BNC2: variants seen among roughly 807,000 people sequenced by gnomAD.
BNC2 encodes zinc finger protein basonuclin-2.
A neutral mutation model predicts 76.3 loss-of-function variants in BNC2; 20 were observed. The observed-to-expected ratio is 0.26, with a 90% CI of 0.18 to 0.38. BNC2 has a LOEUF of 0.38. Among genes scored for constraint, BNC2 ranks in the 10% least tolerant of loss-of-function variants. The probability of loss-of-function intolerance (pLI) is 1.00; values close to 1 mark genes in which losing one functional copy is unlikely to be tolerated. For missense variants in BNC2, 1,382 were observed against 1,399.8 expected (o/e 0.99, Z 0.20); for synonymous variants, 582 against 514.8 (o/e 1.13, Z -1.77).
At chr9:16,726,374 G>C (rs1187127562) in intron 3 of BNC2, among the ~76,000 whole-genome samples, 2 of 151,990 alleles carry the variant, frequency 1.3e-5, no homozygotes, top group Non-Finnish European at 1.5e-5. Flanking sequence ...TTAGAATTGT[G>C]TGCTAAAACT....
chr9:16,856,339 CA>C (rs1226654888), intron 1 of BNC2, among the ~76,000 whole-genome samples: 1 of 151,960 alleles, frequency 6.6e-6, no homozygotes, highest in Non-Finnish European at 1.5e-5. Context: ...GTCCTTTGTA[CA>C]CAAATATGTC....
chr9:16,534,523 G>C (rs1818072687), intron 5 of BNC2, among the ~76,000 whole-genome samples: 2 of 152,014 alleles, frequency 1.3e-5, no homozygotes, highest in Admixed American at 1.3e-4. Context: ...TATGTACCCT[G>C]ATCTTAATTT....
chr9:16,523,493 C>T (rs58036456), intron 5 of BNC2, among the ~76,000 whole-genome samples: 1 of 120,168 alleles, frequency 8.3e-6, no homozygotes, highest in East Asian at 2.1e-4. Context: ...AAAAACAAAA[C>T]AAAAAAAAAC....
chr9:16,671,884 A>G (rs904341641), intron 3 of BNC2, among the ~76,000 whole-genome samples: 1 of 152,220 alleles, frequency 6.6e-6, no homozygotes, highest in African/African-American at 2.4e-5. Flanking sequence ...CTGAAAATGC[A>G]AGTTGCATAA....
chr9:16,604,836 TG>T (rs35682053), intron 3 of BNC2, among the ~76,000 whole-genome samples: 121,785 of 151,990 alleles, frequency 0.8, 51,322 homozygotes, highest in East Asian at 0.96. Flanking sequence ...AGGTTAAAAA[TG>T]ATTAATTTTT....
intron 3 of BNC2, among the ~76,000 whole-genome samples, chr9:16,653,863 C>T (rs1231159820): frequency 6.6e-6 from 1 of 152,238 alleles, no homozygotes; most frequent in Middle Eastern, 3.4e-3. Flanking sequence ...GTGGCAGAAC[C>T]TCTTGTCTGA....
chr9:16,803,311 C>T (rs1035057658), intron 1 of BNC2, among the ~76,000 whole-genome samples: 1 of 152,130 alleles, frequency 6.6e-6, no homozygotes, highest in Non-Finnish European at 1.5e-5. Flanking sequence ...ATGTTTTAGC[C>T]CTCAACTTTA....
rs1820481432 is a variant in BNC2, at chr9:16,412,419, T to C, written c.*6570A>G. 6.6e-6 allele frequency: 1 copy of C among 152,460 alleles called. No homozygotes were observed. The highest frequency in any genetic ancestry group is 1.5e-5 in the Non-Finnish European group (1 of 68,022). 9.4% of individuals were successfully genotyped at this position (152,460 alleles called of 1,614,324 possible). A position where few individuals can be genotyped will look rare whatever the true frequency, so the allele number is the denominator to read the frequency against. Reference sequence around the variant, plus strand: ...ATATTTTAATCTTTTCCCTACAGATTAGGGGGCAATATAATCTTACTTATG... The same window carrying C: ...ATATTTTAATCTTTTCCCTACAGATCAGGGGGCAATATAATCTTACTTATG... On this transcript the variant is annotated 3_prime_UTR_variant, in exon 7 of 7. Transcript: ENST00000380672.
chr9:16,655,207 T>A (rs1821896205), intron 3 of BNC2, among the ~76,000 whole-genome samples: 1 of 151,822 alleles, frequency 6.6e-6, no homozygotes, highest in African/African-American at 2.4e-5. Context: ...CGATACAGCA[T>A]AAAGGAAATA....
At chr9:16,691,489 G>A (rs1049070879) in intron 3 of BNC2, among the ~76,000 whole-genome samples, 9 of 146,168 alleles carry the variant, frequency 6.2e-5, no homozygotes, top group Middle Eastern at 3.6e-3. Context: ...CCAGATCCAC[G>A]GATGGGTATG....
At chr9:16,863,710 A>G (rs1367820981) in intron 1 of BNC2, among the ~76,000 whole-genome samples, 1 of 152,180 alleles carries the variant, frequency 6.6e-6, no homozygotes, top group Admixed American at 6.5e-5. Flanking sequence ...AAACCTTAAC[A>G]GAGAAAGTAC....
intron 1 of BNC2, among the ~76,000 whole-genome samples, chr9:16,834,259 C>G (rs1448351742): frequency 6.6e-6 from 1 of 152,056 alleles, no homozygotes; most frequent in Non-Finnish European, 1.5e-5. Context: ...CTACTCTTAA[C>G]TATACTAATA....
In BNC2 at chr9:16,479,834, C is replaced by T. The variant is rs184468846; in HGVS notation, c.670-42310G>A. Among the ~76,000 whole-genome samples, 9 of 152,178 alleles carry T rather than the reference C, an allele frequency of 5.9e-5. No individual in the cohort carries two copies. In the East Asian group the frequency reaches 1.2e-3, roughly 20 times the overall value. On this transcript the variant is annotated intron_variant, in intron 5 of 6. Coordinates refer to ENST00000380672, the MANE Select transcript of BNC2 (RefSeq NM_017637.6). ...ATTATTTATGTTTATTTTAATAGCT[C>T]GGCACAAAGATACTAAAATGTTATC... is the stretch of plus-strand genomic sequence containing the variant.
intron 1 of BNC2, among the ~76,000 whole-genome samples, chr9:16,818,437 G>A (rs994077729): frequency 3.9e-5 from 6 of 152,126 alleles, no homozygotes; most frequent in African/African-American, 1.4e-4. Flanking sequence ...GAAGGGAAGG[G>A]AGAGAGAACC....
chr9:16,518,126 GA>G (rs1384878558), intron 5 of BNC2, among the ~76,000 whole-genome samples: 1 of 152,096 alleles, frequency 6.6e-6, no homozygotes, highest in Non-Finnish European at 1.5e-5. Flanking sequence ...ATATAATAAT[GA>G]AAATTAAATT....
At chr9:16,680,910 C>T (rs1039393814) in intron 3 of BNC2, among the ~76,000 whole-genome samples, 1 of 152,130 alleles carries the variant, frequency 6.6e-6, no homozygotes. Flanking sequence ...ATATCAATTT[C>T]GACAATGGAC....
At chr9:16,512,184 G>C (rs1822772877) in intron 5 of BNC2, among the ~76,000 whole-genome samples, 2 of 152,138 alleles carry the variant, frequency 1.3e-5, no homozygotes. Context: ...ATGAGGAAAT[G>C]AAATCCTTAA....
At chr9:16,855,254 C>G (rs1819225095) in intron 1 of BNC2, among the ~76,000 whole-genome samples, 2 of 151,984 alleles carry the variant, frequency 1.3e-5, no homozygotes, top group Admixed American at 6.6e-5. Context: ...GCTTCATATG[C>G]CAGAGGAAGA....
chr9:16,421,899 T>C (rs1820718184), intron 6 of BNC2, among the ~76,000 whole-genome samples: 1 of 152,202 alleles, frequency 6.6e-6, no homozygotes, highest in South Asian at 2.1e-4. Flanking sequence ...CCTTTCTTAA[T>C]TTCACGAGCA....
Sources: gnomAD v4.1 joint callset for allele counts (sites outside exome capture counted in the v4.1 genomes callset) on GRCh38, gnomAD v4.1.1 for gene constraint, MANE v1.5 for transcripts, NCBI Gene and HGNC (gene_info 2026-07-23, HGNC 2026-07-21) for gene names.